IQCM: variants seen among roughly 807,000 people sequenced by gnomAD.
IQCM encodes IQ motif containing M.
Under a neutral mutation model 57.6 loss-of-function variants are expected in IQCM, and 45 were observed. The ratio of observed to expected loss-of-function variants is 0.78; its 90% confidence interval spans 0.62 to 1.00. The LOEUF (loss-of-function observed/expected upper bound fraction) is 1.00. IQCM is among the 50% of genes least tolerant of loss of function. IQCM has a pLI of 0.00. For synonymous variants in IQCM, 148 were observed against 158.9 expected (o/e 0.93, Z 0.51); for missense variants, 468 against 511.6 (o/e 0.91, Z 0.82).
chr4:149,449,580 A>C (rs1224907198), intron 12 of IQCM, among the ~76,000 whole-genome samples: 2 of 151,118 alleles, frequency 1.3e-5, no homozygotes, highest in Non-Finnish European at 3.0e-5. Context: ...GAACAATCTG[A>C]AAAAGAAATT....
At chr4:149,427,173 C>G (rs1368075951) in intron 13 of IQCM, among the ~76,000 whole-genome samples, 1 of 151,922 alleles carries the variant, frequency 6.6e-6, no homozygotes, top group Non-Finnish European at 1.5e-5. Flanking sequence ...CCTACTGCAG[C>G]CAAAACTCTG....
intron 7 of IQCM, among the ~76,000 whole-genome samples, chr4:149,650,404 G>GTT (rs35846638): frequency 2.3e-4 from 30 of 132,554 alleles, no homozygotes; most frequent in African/African-American, 4.0e-4. Context: ...TAATTTCTGG[G>GTT]TTTTTTTTTT....
intron 2 of IQCM, among the ~76,000 whole-genome samples, chr4:149,762,596 T>C (rs547330377): frequency 7.4e-4 from 112 of 152,200 alleles, no homozygotes; most frequent in Non-Finnish European, 1.4e-3. Context: ...TCTCCTAGGC[T>C]CTGCTCATCT....
chr4:149,738,736 A>AT lies in IQCM; in HGVS notation c.38-3279dup, dbSNP rs1420199695. ...ATGGCTCCAATGAAGTCATGTGGAC[A>AT]TTGACTTCCAGCTGGCAGTCCTGAG... On this transcript the variant is annotated intron_variant, in intron 3 of 13. Transcript: ENST00000636793. Among the ~76,000 whole-genome samples the AT allele has an allele frequency of 2.0e-5, 3 of 152,240 alleles. No individual in the cohort carries two copies. In the East Asian group the frequency reaches 5.8e-4, roughly 29 times the overall value.
chr4:149,663,431 C>T (rs1054603708), intron 7 of IQCM, among the ~76,000 whole-genome samples: 1 of 152,020 alleles, frequency 6.6e-6, no homozygotes, highest in African/African-American at 2.4e-5. Flanking sequence ...TTATCATCCT[C>T]TTGTTTACAG....
At chr4:149,484,877 T>C (rs569679842) in intron 12 of IQCM, among the ~76,000 whole-genome samples, 2 of 152,112 alleles carry the variant, frequency 1.3e-5, no homozygotes, top group Non-Finnish European at 2.9e-5. Flanking sequence ...TAGGGTACAT[T>C]TGGTATTGAT....
At chr4:149,648,551 T>C (rs988962792) in intron 7 of IQCM, among the ~76,000 whole-genome samples, 7 of 152,254 alleles carry the variant, frequency 4.6e-5, no homozygotes, top group African/African-American at 1.7e-4. Context: ...CCTTTGGGTG[T>C]ATACCCAGTA....
chr4:149,512,353 T>C (rs1744516836), intron 12 of IQCM, among the ~76,000 whole-genome samples: 1 of 152,178 alleles, frequency 6.6e-6, no homozygotes, highest in Non-Finnish European at 1.5e-5. Context: ...CATGATACCA[T>C]GCCACAACCT....
chr4:149,621,249 T>C lies in IQCM; in HGVS notation c.566-5A>G. 1 of 1,204,572 alleles carries C rather than the reference T, an allele frequency of 8.3e-7. No individual in the cohort carries two copies. Among genetic ancestry groups the C allele is most frequent in the Non-Finnish European group, 1.0e-6 (1 of 962,740 alleles). 74.6% of individuals were successfully genotyped at this position (1,204,572 alleles called of 1,614,324 possible). On this transcript the variant is annotated splice_region_variant and splice_polypyrimidine_tract_variant and intron_variant, in intron 7 of 13. Coordinates refer to ENST00000636793, the MANE Select transcript of IQCM (RefSeq NM_001363507.2). ...TCCAGTCATAGAATGCTTTGTCTGT[T>C]AGAAATATCAATGCAGGTTAAAACA...
intron 12 of IQCM, among the ~76,000 whole-genome samples, chr4:149,481,701 G>GTTTTTGTTTTTTGTTTTTTTTTTT (rs1740822174): frequency 1.9e-5 from 1 of 51,550 alleles, no homozygotes; most frequent in African/African-American, 7.6e-5. Context: ...TTCCAGTTTT[G>GTTTTTGTTTTTTGTTTTTTTTTTT]TTTTTTTTTT....
chr4:149,745,617 G>A (rs962450929), intron 2 of IQCM, among the ~76,000 whole-genome samples: 3 of 152,138 alleles, frequency 2.0e-5, no homozygotes, highest in Non-Finnish European at 2.9e-5. Context: ...AAGACAAACA[G>A]AAGTAGAAAC....
intron 12 of IQCM, among the ~76,000 whole-genome samples, chr4:149,541,455 G>A (rs935943887): frequency 3.9e-5 from 6 of 152,006 alleles, no homozygotes; most frequent in African/African-American, 1.4e-4. Context: ...CTATTTACAT[G>A]TTGGAAAAAT....
At chr4:149,354,443 T>A (rs1012320262) in intron 13 of IQCM, among the ~76,000 whole-genome samples, 8 of 149,800 alleles carry the variant, frequency 5.3e-5, no homozygotes, top group Non-Finnish European at 7.4e-5. Context: ...TCATTCCTAG[T>A]GAGATCACAG....
chr4:149,591,804 A>C (rs932077762), intron 8 of IQCM, among the ~76,000 whole-genome samples: 1 of 152,172 alleles, frequency 6.6e-6, no homozygotes, highest in Non-Finnish European at 1.5e-5. Context: ...ATGTCTGCAT[A>C]GTATTCCATG....
chr4:149,371,892 T>C (rs913822491), intron 13 of IQCM, among the ~76,000 whole-genome samples: 3 of 152,194 alleles, frequency 2.0e-5, no homozygotes, highest in Admixed American at 6.5e-5. Flanking sequence ...AAAGATCTAG[T>C]GGCATGTTCT....
At chr4:149,406,043 C>T (rs766115515) in intron 13 of IQCM, among the ~76,000 whole-genome samples, 6 of 151,450 alleles carry the variant, frequency 4.0e-5, no homozygotes, top group Admixed American at 2.0e-4. Context: ...AACTTTGGCC[C>T]TTTGGAAGTT....
chr4:149,773,503 G>T, intron 2 of IQCM, among the ~76,000 whole-genome samples: 1 of 152,058 alleles, frequency 6.6e-6, no homozygotes, highest in East Asian at 1.9e-4. Context: ...GCATCAGATG[G>T]GTATTTAAAC....
At chr4:149,466,259 A>G (rs755793952) in intron 12 of IQCM, among the ~76,000 whole-genome samples, 8 of 152,172 alleles carry the variant, frequency 5.3e-5, no homozygotes, top group Non-Finnish European at 1.2e-4. Context: ...TACACTGAAT[A>G]TATCATAGAA....
At chr4:149,436,509 T>C (rs1280986423) in intron 12 of IQCM, among the ~76,000 whole-genome samples, 4 of 152,224 alleles carry the variant, frequency 2.6e-5, no homozygotes, top group Admixed American at 6.6e-5. Flanking sequence ...ATAGTGTCAA[T>C]GGAGCCTTGG....
Sources: allele counts gnomAD v4.1 joint callset (sites outside exome capture counted in the v4.1 genomes callset), GRCh38; gene constraint gnomAD v4.1.1; transcripts MANE v1.5; gene names NCBI Gene and HGNC (gene_info 2026-07-23, HGNC 2026-07-21).